The following CNTN5 variants were observed in gnomAD, a reference collection of about 807,000 sequenced individuals.
CNTN5 encodes contactin 5.
Under a neutral mutation model 129.1 loss-of-function variants are expected in CNTN5, and 77 were observed. The ratio of observed to expected loss-of-function variants is 0.60; its 90% confidence interval spans 0.50 to 0.72. The LOEUF (loss-of-function observed/expected upper bound fraction) is 0.72, where lower values mean the gene tolerates loss of function less well. Ranked by LOEUF, CNTN5 falls within the 30% of genes least tolerant of loss-of-function variation. CNTN5 has a pLI of 0.00. For missense variants in CNTN5, 1,478 were observed against 1,328.8 expected (o/e 1.11, Z -1.75); for synonymous variants, 509 against 465.6 (o/e 1.09, Z -1.20).
chr11:99,892,138 C>A (rs10894088), intron 6 of CNTN5, among the ~76,000 whole-genome samples: 63,360 of 151,978 alleles, frequency 0.42, 14,645 homozygotes, highest in Non-Finnish European at 0.53. Flanking sequence ...TGACAAGTAT[C>A]TGTTCATATC....
At chr11:99,546,412 C>G (rs1441420267) in intron 2 of CNTN5, among the ~76,000 whole-genome samples, 1 of 152,022 alleles carries the variant, frequency 6.6e-6, no homozygotes, top group African/African-American at 2.4e-5. Flanking sequence ...ATTCAGAACC[C>G]CAAGCTCATC....
At chr11:100,076,427 A>G (rs1390552698) in intron 13 of CNTN5, among the ~76,000 whole-genome samples, 1 of 152,164 alleles carries the variant, frequency 6.6e-6, no homozygotes, top group Non-Finnish European at 1.5e-5. Context: ...AAAAGTATTG[A>G]GAGAAGTAAC....
intron 1 of CNTN5, among the ~76,000 whole-genome samples, chr11:99,154,261 T>C (rs1399441677): frequency 6.6e-6 from 1 of 152,124 alleles, no homozygotes; most frequent in Non-Finnish European, 1.5e-5. Context: ...GTTGCCAGTG[T>C]CCATGCTTGC....
At chr11:100,039,089 T>C (rs1333555199) in intron 9 of CNTN5, among the ~76,000 whole-genome samples, 2 of 152,208 alleles carry the variant, frequency 1.3e-5, no homozygotes, top group East Asian at 3.8e-4. Flanking sequence ...CTTGGCATGT[T>C]TTTGCAGTGG....
At chr11:99,778,592 T>C (rs1300727213) in intron 3 of CNTN5, among the ~76,000 whole-genome samples, 1 of 151,772 alleles carries the variant, frequency 6.6e-6, no homozygotes, top group Admixed American at 6.6e-5. Flanking sequence ...CTCATAGTCA[T>C]TGTGATTATG....
intron 2 of CNTN5, among the ~76,000 whole-genome samples, chr11:99,351,504 A>ATT (rs1277607195): frequency 6.6e-6 from 1 of 152,190 alleles, no homozygotes; most frequent in Non-Finnish European, 1.5e-5. Context: ...TCATTTTAAA[A>ATT]TCCTTCCTCT....
chr11:99,803,582 C>G (rs1946178965), intron 3 of CNTN5, among the ~76,000 whole-genome samples: 1 of 152,188 alleles, frequency 6.6e-6, no homozygotes. Flanking sequence ...TTGCTGGTGT[C>G]TTTTCCTGAC....
At chr11:99,349,875 T>C (rs773013126) in intron 2 of CNTN5, among the ~76,000 whole-genome samples, 16 of 152,190 alleles carry the variant, frequency 1.1e-4, no homozygotes, top group Admixed American at 2.0e-4. Context: ...CACTGATCTC[T>C]CTGATTTTAG....
chr11:99,105,270 A>G lies in CNTN5; in HGVS notation c.-210+84000A>G, dbSNP rs192665108. On this transcript the variant is annotated intron_variant, in intron 1 of 24. Coordinates refer to ENST00000524871, the MANE Select transcript of CNTN5 (RefSeq NM_014361.4). ...ACAGTGCTTAAAAAGTAATCACGCT[A>G]TAGTAACCAAAAGCATAAAAAAATT... Among the ~76,000 whole-genome samples, 203 of 152,094 alleles carry G rather than the reference A, an allele frequency of 1.3e-3. 1 individual carries two copies. The highest frequency in any genetic ancestry group is 4.7e-3 in the African/African-American group (195 of 41,464).
intron 3 of CNTN5, among the ~76,000 whole-genome samples, chr11:99,739,971 G>A (rs1041436636): frequency 1.3e-5 from 2 of 151,922 alleles, no homozygotes; most frequent in Non-Finnish European, 2.9e-5. Context: ...TAAGCTTTTG[G>A]CAAGTGCTAT....
chr11:100,000,063 T>C (rs949036511), intron 8 of CNTN5, among the ~76,000 whole-genome samples: 1 of 151,542 alleles, frequency 6.6e-6, no homozygotes, highest in Admixed American at 6.6e-5. Flanking sequence ...TGCTAAATGA[T>C]GAGTTAATGG....
intron 2 of CNTN5, among the ~76,000 whole-genome samples, chr11:99,467,990 G>T (rs887348026): frequency 3.3e-5 from 5 of 152,084 alleles, no homozygotes; most frequent in African/African-American, 1.2e-4. Flanking sequence ...TACCCCTTGA[G>T]TCTTCAAAAT....
In CNTN5 at chr11:100,059,839, T is replaced by G. The variant is rs541785286; in HGVS notation, c.981-1373T>G. Among the ~76,000 whole-genome samples, 5 of 152,308 alleles carry G rather than the reference T, an allele frequency of 3.3e-5. No individual in the cohort carries two copies. In the South Asian group the frequency reaches 1.0e-3, roughly 32 times the overall value. ...GATCCATCAGTCCTGCTTTTGTGAATGACTGCTACAGAAAATAGAATAGTA... is the reference window on the plus strand; with the variant it reads ...GATCCATCAGTCCTGCTTTTGTGAAGGACTGCTACAGAAAATAGAATAGTA... On this transcript the variant is annotated intron_variant, in intron 9 of 24. Coordinates refer to ENST00000524871, the MANE Select transcript of CNTN5 (RefSeq NM_014361.4).
At chr11:99,405,071 C>T (rs974086313) in intron 2 of CNTN5, among the ~76,000 whole-genome samples, 1 of 152,158 alleles carries the variant, frequency 6.6e-6, no homozygotes, top group African/African-American at 2.4e-5. Flanking sequence ...AAGGTTTCCA[C>T]TGAAAAGCCT....
chr11:99,981,851 C>A (rs1486743630), intron 8 of CNTN5, among the ~76,000 whole-genome samples: 1 of 152,148 alleles, frequency 6.6e-6, no homozygotes, highest in Admixed American at 6.5e-5. Context: ...AAATAACTTA[C>A]CATAATCAGA....
chr11:99,791,232 G>C (rs995874766), intron 3 of CNTN5, among the ~76,000 whole-genome samples: 4 of 151,984 alleles, frequency 2.6e-5, no homozygotes, highest in South Asian at 4.2e-4. Context: ...CTTATGTTCA[G>C]CATGGTATTT....
intron 1 of CNTN5, among the ~76,000 whole-genome samples, chr11:99,136,450 T>A (rs1046811394): frequency 3.3e-5 from 5 of 152,292 alleles, no homozygotes; most frequent in Non-Finnish European, 2.9e-5. Flanking sequence ...ATAGCACCAA[T>A]TCCATTAATC....
chr11:100,245,633 C>G (rs2138694532), intron 16 of CNTN5, among the ~76,000 whole-genome samples: 1 of 152,222 alleles, frequency 6.6e-6, no homozygotes, highest in Admixed American at 6.5e-5. Context: ...AATTCATTTT[C>G]AATCAATAAA....
intron 13 of CNTN5, among the ~76,000 whole-genome samples, chr11:100,127,406 T>C (rs1946225019): frequency 6.6e-6 from 1 of 152,038 alleles, no homozygotes; most frequent in South Asian, 2.1e-4. Flanking sequence ...GTTTTCATCA[T>C]AGTTTTTAAT....
Sources: gnomAD v4.1 joint callset for allele counts (sites outside exome capture counted in the v4.1 genomes callset) on GRCh38, gnomAD v4.1.1 for gene constraint, MANE v1.5 for transcripts, NCBI Gene and HGNC (gene_info 2026-07-23, HGNC 2026-07-21) for gene names.